FAM171B: variants seen among roughly 807,000 people sequenced by gnomAD.
FAM171B encodes the protein family with sequence similarity 171 member B, also known as protein FAM171B.
In FAM171B, 19 loss-of-function variants were observed where a neutral mutation model predicts 75.6. The ratio of observed to expected loss-of-function variants is 0.25; its 90% CI spans 0.18 to 0.37. The LOEUF (loss-of-function observed/expected upper bound fraction) is 0.37. FAM171B is among the 10% of genes least tolerant of loss of function. The probability of loss-of-function intolerance (pLI) is 1.00; values close to 1 mark genes in which losing one functional copy is unlikely to be tolerated. For synonymous variants in FAM171B, 367 were observed against 361.7 expected (o/e 1.01, Z -0.17); for missense variants, 848 against 982.4 (o/e 0.86, Z 1.83).
intron 1 of FAM171B, among the ~76,000 whole-genome samples, chr2:186,719,745 T>C (rs1689925331): frequency 6.6e-6 from 1 of 152,254 alleles, no homozygotes; most frequent in Admixed American, 6.5e-5. Context: ...CATCACATTC[T>C]GGAAAGCATT....
rs767712304 is a variant in FAM171B, at chr2:186,762,590, A to G, written c.2248A>G (p.Thr750Ala). 75 of 1,613,420 alleles carry G rather than the reference A, an allele frequency of 4.6e-5. No individual in the cohort carries two copies. The highest frequency in any genetic ancestry group is 2.2e-4 in the Admixed American group (13 of 59,884). ...DLDLSSSESG[T>A]TVCSPEDPAL... ...AGACCTAAGCAGCAGTGAGAGTGGA[A>G]CCACCGTCTGTTCCCCTGAGGACCC... The change falls in exon 8 of 8, where the codon ACC becomes GCC. Residue 750 changes from threonine to alanine, a missense_variant. Transcript: ENST00000304698. This position sits in a 1 kb window ranked among gnomAD's most constrained non-coding sequence, Gnocchi z 4.0.
At chr2:186,742,618 G>T (rs1271316789) in intron 2 of FAM171B, among the ~76,000 whole-genome samples, 1 of 152,054 alleles carries the variant, frequency 6.6e-6, no homozygotes, top group Admixed American at 6.6e-5. Flanking sequence ...TCTCTTAAGA[G>T]ATTTGAGGAT....
rs527439655 is a variant in FAM171B at position 186,747,195 on chromosome 2, G to T, written c.669G>T (p.Gln223His). 9.0e-5 allele frequency: 145 copies of T among 1,603,270 alleles called. 3 individuals are homozygous for T. In the South Asian group the frequency reaches 1.5e-3, roughly 17 times the overall value. The change falls in exon 4 of 8, where the codon CAG becomes CAT. Residue 223 changes from glutamine to histidine, a missense_variant. This residue lies in a region of FAM171B where 665 missense variants were observed against 729.0 expected (regional missense o/e 0.91). Transcript: ENST00000304698. ...CTGGCTATCTTACAGTTCTACAACAGTTTTTGAAAGTGGACAATTTTCTGC... is the reference window on the plus strand; with the variant it reads ...CTGGCTATCTTACAGTTCTACAACATTTTTTGAAAGTGGACAATTTTCTGC... The part of the protein sequence containing the change: ...NVTGYLTVLQ[Q>H]FLKVDNFLHT...
chr2:186,695,617 T>C (rs1015075548), intron 1 of FAM171B, among the ~76,000 whole-genome samples: 7 of 152,186 alleles, frequency 4.6e-5, no homozygotes, highest in Non-Finnish European at 8.8e-5. Context: ...TGATTTAATT[T>C]ATCAGAGTGC....
At chr2:186,753,728 A>G (rs893425473) in intron 5 of FAM171B, among the ~76,000 whole-genome samples, 5 of 152,194 alleles carry the variant, frequency 3.3e-5, no homozygotes, top group East Asian at 1.9e-4. Context: ...TAGTTTATTT[A>G]CAGTGTTTTT....
intron 1 of FAM171B, among the ~76,000 whole-genome samples, chr2:186,698,053 C>A (rs973104577): frequency 1.3e-5 from 2 of 152,110 alleles, no homozygotes; most frequent in East Asian, 3.9e-4. Flanking sequence ...TCCATCTGTA[C>A]CAGTATTTGT....
At chr2:186,722,294 T>C (rs1017698711) in intron 1 of FAM171B, among the ~76,000 whole-genome samples, 7 of 152,210 alleles carry the variant, frequency 4.6e-5, no homozygotes, top group African/African-American at 1.7e-4. Context: ...ACAGAGTTTA[T>C]TTACTAAGTT....
intron 1 of FAM171B, among the ~76,000 whole-genome samples, chr2:186,724,531 A>G (rs190561856): frequency 9.0e-4 from 137 of 152,342 alleles, no homozygotes; most frequent in Admixed American, 8.4e-3. Flanking sequence ...ATAATAAAGC[A>G]TAATTGTGAG....
chr2:186,727,476 A>G (rs1690051009), intron 1 of FAM171B, among the ~76,000 whole-genome samples: 1 of 152,194 alleles, frequency 6.6e-6, no homozygotes, highest in Non-Finnish European at 1.5e-5. Flanking sequence ...AGGGTTCTGC[A>G]AACTTTTTCT....
Position 186,707,973 on chromosome 2 carries a change from A to G in FAM171B, c.238+13562A>G, listed in dbSNP as rs151218955. Among the ~76,000 whole-genome samples the G allele has an allele frequency of 2.9e-3, 443 of 151,904 alleles. 4 individuals carry two copies. The highest frequency in any genetic ancestry group is 9.8e-3 in the African/African-American group (407 of 41,414). On this transcript the variant is annotated intron_variant, in intron 1 of 7. Transcript: ENST00000304698. ...GGCTAGGCATCTGTTCCATATTTCC[A>G]TATTTATCTTTTCCTTTAGTTTGGA...
rs777039262 is a variant in FAM171B at position 186,694,323 on chromosome 2, A to AGCAG, written c.150_151insGCAG (p.Gln51AlafsTer14). On this transcript the variant is annotated frameshift_variant, in exon 1 of 8. Coordinates refer to ENST00000304698, the MANE Select transcript of FAM171B (RefSeq NM_177454.4). LOFTEE classifies it high-confidence loss of function. Reference sequence around the variant, plus strand: ...TCCAACAGCAGCAGCAGCAGCAGCAACAACAACAACAACAGCAAAAGCAGC... The same window carrying AGCAG: ...TCCAACAGCAGCAGCAGCAGCAGCAAGCAGCAACAACAACAACAGCAAAAGCAGC... 134 of 969,240 alleles carry AGCAG rather than the reference A, an allele frequency of 1.4e-4. No homozygotes were observed. Among genetic ancestry groups the AGCAG allele is most frequent in the Non-Finnish European group, 1.9e-4 (126 of 658,092 alleles). 60.0% of individuals were successfully genotyped at this position (969,240 alleles called of 1,614,324 possible).
chr2:186,720,314 A>G (rs1008957134), intron 1 of FAM171B, among the ~76,000 whole-genome samples: 4 of 152,232 alleles, frequency 2.6e-5, no homozygotes, highest in African/African-American at 9.6e-5. Flanking sequence ...CTGGGATTAC[A>G]GACGTGAGCC....
rs114721633 is a variant in FAM171B at position 186,700,368 on chromosome 2, A to G, written c.238+5957A>G. Among the ~76,000 whole-genome samples the G allele has an allele frequency of 5.3e-3, 806 of 152,250 alleles. 7 individuals are homozygous for G. The highest frequency in any genetic ancestry group is 0.018 in the African/African-American group (767 of 41,540). On this transcript the variant is annotated intron_variant, in intron 1 of 7. Transcript: ENST00000304698. Reference sequence around the variant, plus strand: ...ACCCTATTGAGATATAGATGTTTATATCACCTTAGAAAGTTTCTTCATAGC... The same window carrying G: ...ACCCTATTGAGATATAGATGTTTATGTCACCTTAGAAAGTTTCTTCATAGC...
chr2:186,741,738 G>A (rs905439374), intron 2 of FAM171B, among the ~76,000 whole-genome samples: 3 of 151,946 alleles, frequency 2.0e-5, no homozygotes, highest in Admixed American at 2.0e-4. Context: ...AAATTACCTC[G>A]GTAACAATTT....
chr2:186,715,287 C>T (rs1299675791), intron 1 of FAM171B, among the ~76,000 whole-genome samples: 10 of 152,128 alleles, frequency 6.6e-5, no homozygotes, highest in South Asian at 4.2e-4. Flanking sequence ...ACTGCAGCCT[C>T]GACCTCCTGC....
intron 1 of FAM171B, among the ~76,000 whole-genome samples, chr2:186,702,099 A>G (rs1689670382): frequency 6.6e-6 from 1 of 152,212 alleles, no homozygotes; most frequent in Non-Finnish European, 1.5e-5. Context: ...TGCATTATTG[A>G]ACAACAAGGA....
rs1330711740 is a variant in FAM171B at position 186,694,268 on chromosome 2, C to A, written c.95C>A (p.Ala32Glu). Residue 32 changes from alanine (A) to glutamate (E), a missense_variant, in exon 1 of 8, where the codon GCG (alanine) becomes GAG (glutamate). Transcript: ENST00000304698. ...KARLVPAAAR[A>E]ELSRSDLSLI... ...CGGCTGGTCCCCGCGGCCGCCAGAG[C>A]GGAACTCAGCCGCTCCGACCTCAGC... 4 of 1,611,566 alleles carry A rather than the reference C, an allele frequency of 2.5e-6. No homozygotes were observed. The highest frequency in any genetic ancestry group is 3.4e-6 in the Non-Finnish European group (4 of 1,179,638).
intron 6 of FAM171B, among the ~76,000 whole-genome samples, chr2:186,760,717 T>G (rs906557621): frequency 6.6e-6 from 1 of 151,984 alleles, no homozygotes; most frequent in Non-Finnish European, 1.5e-5. Flanking sequence ...AACGCTTATT[T>G]GCTACTTAAC....
chr2:186,737,396 G>A (rs151293035), intron 1 of FAM171B, among the ~76,000 whole-genome samples: 12 of 152,200 alleles, frequency 7.9e-5, no homozygotes, highest in African/African-American at 2.6e-4. Context: ...ATGCTGTGTT[G>A]CCCAGGCTGG....
Sources: gnomAD v4.1 joint callset for allele counts (sites outside exome capture counted in the v4.1 genomes callset) on GRCh38, gnomAD v4.1.1 for gene constraint, gnomAD v4.1.1 regional missense constraint, Gnocchi (gnomAD v3.1) non-coding constraint, MANE v1.5 for transcripts, NCBI Gene and HGNC (gene_info 2026-07-23, HGNC 2026-07-21) for gene names.